Variants in RBFOX1 observed in about 807,000 individuals in gnomAD.
RBFOX1 encodes RNA binding protein fox-1 homolog 1.
RBFOX1 carries 8 observed loss-of-function variants against 57.7 expected under a neutral mutation model. The ratio of observed to expected loss-of-function variants is 0.14; its 90% CI spans 0.08 to 0.25. The LOEUF is 0.25. Among genes scored for constraint, RBFOX1 ranks in the 10% least tolerant of loss-of-function variants. The pLI is 1.00. For missense variants in RBFOX1, 611 were observed against 548.5 expected (o/e 1.11, Z -1.14); for synonymous variants, 326 against 222.4 (o/e 1.47, Z -4.15).
rs1477974730 is a variant in RBFOX1 at position 7,451,863 on chromosome 16, G to T, written c.28-66284G>T. 2.6e-5 allele frequency among the ~76,000 whole-genome samples: 4 copies of T among 152,114 alleles called. No homozygotes were observed. In the South Asian group the frequency reaches 8.3e-4, roughly 32 times the overall value. On this transcript the variant is annotated intron_variant, in intron 4 of 15. Coordinates refer to ENST00000550418, the MANE Select transcript of RBFOX1 (RefSeq NM_018723.4). The stretch of plus-strand genomic sequence containing the variant: ...TAATTTATCTCAGTGGGGTTTGTGG[G>T]GGTTCATTTAAGCAGCAGAAGCTCT...
chr16:7,363,560 A>T (rs2097372299), intron 4 of RBFOX1, among the ~76,000 whole-genome samples: 1 of 152,108 alleles, frequency 6.6e-6, no homozygotes, highest in Non-Finnish European at 1.5e-5. Flanking sequence ...GCCTGGCATA[A>T]AATGGGTCGC....
chr16:6,058,267 G>C (rs1377378533), intron 1 of RBFOX1, among the ~76,000 whole-genome samples: 1 of 151,220 alleles, frequency 6.6e-6, no homozygotes, highest in Non-Finnish European at 1.5e-5. Flanking sequence ...TCTCTTTCTA[G>C]CCTTCCTTTC....
chr16:6,925,455 C>CATTTATTTATTTATTTATTT (rs35991387), intron 3 of RBFOX1, among the ~76,000 whole-genome samples: 36 of 147,470 alleles, frequency 2.4e-4, no homozygotes, highest in African/African-American at 8.5e-4. Context: ...ATGGACTCCA[C>CATTTATTTATTTATTTATTT]ATTTATTTAT....
intron 2 of RBFOX1, among the ~76,000 whole-genome samples, chr16:6,503,933 C>T (rs1423481992): frequency 1.3e-5 from 2 of 152,210 alleles, no homozygotes. Flanking sequence ...TAAGCCGGAC[C>T]TTCATCCCTA....
At chr16:5,924,890 T>C (rs761219573) in intron 4 of RBFOX1, among the ~76,000 whole-genome samples, 1 of 152,166 alleles carries the variant, frequency 6.6e-6, no homozygotes, top group Non-Finnish European at 1.5e-5. Context: ...GTATCCGCCT[T>C]TGCAGACTGG....
chr16:7,688,739 C>G (rs1057047316), intron 14 of RBFOX1, among the ~76,000 whole-genome samples: 4 of 152,064 alleles, frequency 2.6e-5, no homozygotes, highest in Non-Finnish European at 5.9e-5. Context: ...AAAGATTAGT[C>G]AGGCTAGTGA....
chr16:5,895,337 G>T (rs1370699757), intron 4 of RBFOX1, among the ~76,000 whole-genome samples: 1 of 152,146 alleles, frequency 6.6e-6, no homozygotes, highest in East Asian at 1.9e-4. Flanking sequence ...TGACTCACAT[G>T]CCCATTACAT....
chr16:6,741,299 A>T (rs772384992), intron 3 of RBFOX1, among the ~76,000 whole-genome samples: 3 of 152,200 alleles, frequency 2.0e-5, no homozygotes, highest in Admixed American at 6.5e-5. Context: ...TAGGAAAAAT[A>T]TCTTTCGAAC....
At chr16:6,532,172 G>C (rs904004122) in intron 2 of RBFOX1, among the ~76,000 whole-genome samples, 1 of 152,158 alleles carries the variant, frequency 6.6e-6, no homozygotes, top group Non-Finnish European at 1.5e-5. Context: ...AGATGTCAAA[G>C]AAAGTTCCTT....
chr16:5,883,335 C>T (rs571518712), intron 4 of RBFOX1, among the ~76,000 whole-genome samples: 1 of 152,084 alleles, frequency 6.6e-6, no homozygotes, highest in East Asian at 1.9e-4. Context: ...AAAGAGAAAA[C>T]AAACCAATAA....
chr16:7,028,417 G>T lies in RBFOX1; in HGVS notation c.-15-23640G>T, dbSNP rs145730839. Among the ~76,000 whole-genome samples the T allele has an allele frequency of 2.3e-3, 342 of 151,926 alleles. 2 individuals carry two copies. The highest frequency in any genetic ancestry group is 7.9e-3 in the African/African-American group (327 of 41,454). ...CTTGGGCTCTGCATGGAGGAAACCTGTCTCTACTAAAAATATAAAATTAGC... is the reference window on the plus strand; with the variant it reads ...CTTGGGCTCTGCATGGAGGAAACCTTTCTCTACTAAAAATATAAAATTAGC... On this transcript the variant is annotated intron_variant, in intron 3 of 15. Transcript: ENST00000550418.
At chr16:7,411,732 C>T (rs935389568) in intron 4 of RBFOX1, among the ~76,000 whole-genome samples, 1 of 151,838 alleles carries the variant, frequency 6.6e-6, no homozygotes, top group Non-Finnish European at 1.5e-5. Flanking sequence ...GGAGAAACCC[C>T]GTCTCTATTA....
intron 3 of RBFOX1, among the ~76,000 whole-genome samples, chr16:6,763,739 C>G (rs1182845105): frequency 6.6e-6 from 1 of 152,178 alleles, no homozygotes; most frequent in Non-Finnish European, 1.5e-5. Flanking sequence ...GTTTATCATT[C>G]CAAAACCACT....
intron 1 of RBFOX1, among the ~76,000 whole-genome samples, chr16:6,264,519 T>C (rs968094602): frequency 6.6e-6 from 1 of 152,160 alleles, no homozygotes; most frequent in African/African-American, 2.4e-5. Context: ...CGGTTCTCAT[T>C]GCTTACCATT....
At chr16:6,908,444 G>A (rs1456917829) in intron 3 of RBFOX1, among the ~76,000 whole-genome samples, 1 of 152,036 alleles carries the variant, frequency 6.6e-6, no homozygotes, top group Non-Finnish European at 1.5e-5. Context: ...CTGGCCTCTG[G>A]TGTGACCTCT....
chr16:6,629,823 A>T (rs1195282591), intron 2 of RBFOX1, among the ~76,000 whole-genome samples: 1 of 152,188 alleles, frequency 6.6e-6, no homozygotes, highest in Non-Finnish European at 1.5e-5. Context: ...GATCCTTTTA[A>T]TCAGACGTTT....
At chr16:5,714,759 G>A (rs1238330749) in intron 3 of RBFOX1, among the ~76,000 whole-genome samples, 1 of 152,212 alleles carries the variant, frequency 6.6e-6, no homozygotes, top group Non-Finnish European at 1.5e-5. Context: ...ACCACACTGA[G>A]TGATTTATCA....
At chr16:5,805,622 G>A (rs573386850) in intron 3 of RBFOX1, among the ~76,000 whole-genome samples, 14 of 152,320 alleles carry the variant, frequency 9.2e-5, no homozygotes, top group South Asian at 2.1e-4. Context: ...GCACCCTGGG[G>A]CTAGCAACTG....
intron 4 of RBFOX1, among the ~76,000 whole-genome samples, chr16:5,989,843 A>AACACACAC (rs199624083): frequency 5.3e-4 from 11 of 20,718 alleles, no homozygotes; most frequent in Admixed American, 9.5e-4. Flanking sequence ...AACACCCCCT[A>AACACACAC]ACACACACAC....
Sources: allele counts gnomAD v4.1 joint callset (sites outside exome capture counted in the v4.1 genomes callset), GRCh38; gene constraint gnomAD v4.1.1; transcripts MANE v1.5; gene names NCBI Gene and HGNC (gene_info 2026-07-23, HGNC 2026-07-21).